The following KIAA1549 variants were observed in gnomAD, a reference collection of about 807,000 sequenced individuals.
KIAA1549 encodes the protein UPF0606 protein KIAA1549.
Under a neutral mutation model 156.4 loss-of-function variants are expected in KIAA1549, and 70 were observed. The observed-to-expected ratio is 0.45, with a 90% confidence interval of 0.37 to 0.55. The LOEUF is 0.55. KIAA1549 is among the 20% of genes least tolerant of loss of function. The pLI, the probability that KIAA1549 is intolerant of heterozygous loss-of-function variation, is 0.00. For synonymous variants in KIAA1549, 1,103 were observed against 1,066.4 expected, an observed-to-expected ratio of 1.03 and a Z score of -0.67; for missense variants, 2,428 against 2,540.9, an observed-to-expected ratio of 0.96 and a Z score of 0.96.
rs1021495122 is a variant in KIAA1549, at chr7:138,926,818, T to C, written c.188-7380A>G. Among the ~76,000 whole-genome samples, 8 of 152,138 alleles carry C rather than the reference T, an allele frequency of 5.3e-5. No individual in the cohort carries two copies. In the South Asian group the frequency reaches 1.7e-3, roughly 31 times the overall value. On this transcript the variant is annotated intron_variant, in intron 1 of 19. Coordinates refer to ENST00000422774, the MANE Select transcript of KIAA1549 (RefSeq NM_001164665.2). ...AAGTAGATAATACTATTTATAAATA[T>C]ATATATATGTTATGAAAATAATACA...
chr7:138,867,946 T>C (rs1270290239), intron 15 of KIAA1549, 29 bp downstream of exon 15: 1 of 1,608,074 alleles, frequency 6.2e-7, no homozygotes, highest in Admixed American at 1.7e-5. Flanking sequence ...CCCACCCGAG[T>C]TCCAGAAACT....
At position 138,861,470 on chromosome 7, in the gene KIAA1549, T is replaced by C. The variant is rs80130913; in HGVS notation, c.4930-14A>G. ...GTCAGGATCCGACTACAATGAGAAA[T>C]GGCAAAGGAAGAATCACACATGAGT... On this transcript the variant is annotated splice_polypyrimidine_tract_variant and intron_variant, in intron 15 of 19. Transcript: ENST00000422774. 1,558 of 1,596,454 alleles carry C rather than the reference T, an allele frequency of 9.8e-4. 14 individuals are homozygous for C. In the African/African-American group the frequency reaches 0.018, roughly 18 times the overall value.
chr7:138,971,365 G>A (rs1381267916), intron 1 of KIAA1549, among the ~76,000 whole-genome samples: 5 of 151,988 alleles, frequency 3.3e-5, no homozygotes, highest in African/African-American at 1.2e-4. Context: ...CAAGCCACCT[G>A]TTTCTCCTTC....
At position 138,881,441 on chromosome 7, in the gene KIAA1549, G is replaced by A. The variant is rs375931403; in HGVS notation, c.4176C>T (p.Asp1392=). The A allele has an allele frequency of 1.8e-5, 29 of 1,613,896 alleles. No individual in the cohort carries two copies. Among genetic ancestry groups the A allele is most frequent in the South Asian group, 8.8e-5 (8 of 91,084 alleles). ...KDHTTPSENG[D]VPSPKSKIPS... is the part of the protein sequence containing the mutation. The stretch of plus-strand genomic sequence containing the variant: ...GGATCTTTGACTTGGGGCTTGGCAC[G>A]TCTCCATTTTCCGAGGGCGTGGTGT... The change falls in exon 11 of 20, where the codon GAC becomes GAT. Residue 1392 remains aspartate, a synonymous_variant. Transcript: ENST00000422774.
At position 138,886,451 on chromosome 7, in the gene KIAA1549, A is replaced by AT. The variant is rs1382294355; in HGVS notation, c.4033-4868dup. Among the ~76,000 whole-genome samples, 6 of 151,946 alleles carry AT rather than the reference A, an allele frequency of 3.9e-5. No individual in the cohort carries two copies. In the East Asian group the frequency reaches 5.8e-4, roughly 15 times the overall value. ...CATCACGCCTGGCTAATATTTTAAAATTTTTTTGTAGAGACAGGATCTTGC... is the reference window on the plus strand; with the variant it reads ...CATCACGCCTGGCTAATATTTTAAAATTTTTTTTGTAGAGACAGGATCTTGC... On this transcript the variant is annotated intron_variant, in intron 10 of 19. Transcript: ENST00000422774.
Position 138,869,707 on chromosome 7 carries a change from G to A in KIAA1549, c.4606C>T (p.Arg1536Cys), listed in dbSNP as rs766618778. 9.3e-6 allele frequency: 15 copies of A among 1,612,216 alleles called. No individual in the cohort carries two copies. Among genetic ancestry groups the A allele is most frequent in the Admixed American group, 8.3e-5 (5 of 60,016 alleles). The change falls in exon 14 of 20, where the codon CGC becomes TGC. Residue 1536 changes from arginine to cysteine, a missense_variant. Arg to Cys is a radical substitution (Grantham distance 180). This residue lies in a region of KIAA1549 where 404 missense variants were observed against 417.0 expected (regional missense o/e 0.97). Transcript: ENST00000422774. ...SEIEHHRNKI[R>C]LRAKRRGHYE... Reference sequence around the variant, plus strand: ...TGCCCGCGGCGCTTGGCGCGCAGGCGGATCTTGTTGCGATGGTGCTCGATC... The same window carrying A: ...TGCCCGCGGCGCTTGGCGCGCAGGCAGATCTTGTTGCGATGGTGCTCGATC...
intron 1 of KIAA1549, among the ~76,000 whole-genome samples, chr7:138,968,199 G>A (rs1238330697): frequency 6.6e-6 from 1 of 152,164 alleles, no homozygotes; most frequent in Non-Finnish European, 1.5e-5. Context: ...TAGGTGGGGT[G>A]GGAGGAGGGA....
intron 6 of KIAA1549, among the ~76,000 whole-genome samples, chr7:138,906,058 G>GATAGC (rs1811998063): frequency 6.6e-6 from 1 of 152,136 alleles, no homozygotes. Context: ...TGTACTTTTT[G>GATAGC]ATAGCACCCC....
At chr7:138,840,300 GGCC>G in intron 18 of KIAA1549, 22 bp from the exon 19 acceptor site, 1 of 1,595,624 alleles carries the variant, frequency 6.3e-7, no homozygotes, top group South Asian at 1.1e-5. Flanking sequence ...ATGGTGGAGT[GGCC>G]TGGTCAACAT....
At chr7:138,925,155 C>T (rs1391755526) in intron 1 of KIAA1549, among the ~76,000 whole-genome samples, 2 of 152,208 alleles carry the variant, frequency 1.3e-5, no homozygotes, top group African/African-American at 4.8e-5. Flanking sequence ...CCAGGCCACA[C>T]CAATTCCATG....
intron 1 of KIAA1549, among the ~76,000 whole-genome samples, chr7:138,924,673 T>C (rs142582251): frequency 2.6e-5 from 4 of 152,180 alleles, no homozygotes; most frequent in African/African-American, 9.6e-5. Context: ...TTTCTTTCTT[T>C]CTCTCTGCCA....
chr7:138,857,584 T>C (rs1292150886), intron 16 of KIAA1549, among the ~76,000 whole-genome samples: 3 of 152,216 alleles, frequency 2.0e-5, no homozygotes, highest in Non-Finnish European at 2.9e-5. Flanking sequence ...CTTCCAGTTG[T>C]TTACATTCTC....
chr7:138,949,913 G>A (rs971976362), intron 1 of KIAA1549, among the ~76,000 whole-genome samples: 14 of 152,310 alleles, frequency 9.2e-5, no homozygotes, highest in South Asian at 2.1e-4. Context: ...ACTTCAAGTC[G>A]GTGCCAAGCC....
chr7:138,919,578 C>A, intron 1 of KIAA1549, 140 bp from the exon 2 acceptor site: 1 of 1,396,586 alleles, frequency 7.2e-7, no homozygotes, highest in Non-Finnish European at 9.6e-7. Flanking sequence ...AGAAGTTAAA[C>A]AGCTAGCTGG....
intron 2 of KIAA1549, 45 bp downstream of exon 2, chr7:138,916,703 G>A: frequency 6.2e-7 from 1 of 1,603,470 alleles, no homozygotes; most frequent in East Asian, 2.2e-5. Flanking sequence ...AAGCTCCTTA[G>A]AAAGATTGCC....
intron 12 of KIAA1549, among the ~76,000 whole-genome samples, chr7:138,876,916 C>G (rs991283382): frequency 1.3e-5 from 2 of 152,212 alleles, no homozygotes; most frequent in Non-Finnish European, 2.9e-5. Flanking sequence ...GAATAAAGCA[C>G]AACCTCCAAT....
rs79096543 is a variant in KIAA1549 at position 138,905,758 on chromosome 7, C to T, written c.3461-677G>A. On this transcript the variant is annotated intron_variant, in intron 6 of 19. Transcript: ENST00000422774. Reference sequence around the variant, plus strand: ...CCCTTTCCCCCACTGCCTCCATTGGCATTGTGAAGCTAGTTGCTTCAGTCA... The same window carrying T: ...CCCTTTCCCCCACTGCCTCCATTGGTATTGTGAAGCTAGTTGCTTCAGTCA... 5.1e-3 allele frequency among the ~76,000 whole-genome samples: 776 copies of T among 151,926 alleles called. 22 individuals carry two copies. The East Asian group carries it at 0.07, about 14-fold the overall frequency.
chr7:138,921,303 G>A (rs1812556963), intron 1 of KIAA1549, among the ~76,000 whole-genome samples: 2 of 152,188 alleles, frequency 1.3e-5, no homozygotes, highest in Admixed American at 6.5e-5. Flanking sequence ...ACTCTCCTCA[G>A]TCTCTCACTT....
chr7:138,933,775 C>T (rs74566034), intron 1 of KIAA1549, among the ~76,000 whole-genome samples: 3,763 of 152,258 alleles, frequency 0.025, 74 homozygotes, highest in Admixed American at 0.043. Flanking sequence ...AGACCAACCT[C>T]GCCAACATGG....
Sources: gnomAD v4.1 joint callset for allele counts (sites outside exome capture counted in the v4.1 genomes callset) on GRCh38, gnomAD v4.1.1 for gene constraint, gnomAD v4.1.1 regional missense constraint, MANE v1.5 for transcripts, NCBI Gene and HGNC (gene_info 2026-07-23, HGNC 2026-07-21) for gene names.